The following GYG2 variants were observed in gnomAD, a reference collection of about 807,000 sequenced individuals.
GYG2 encodes the protein glycogenin 2, also known as glycogenin-2.
A neutral mutation model predicts 29.4 loss-of-function variants in GYG2; 29 were observed. That is an observed-to-expected ratio of 0.99 (90% confidence interval 0.74 to 1.35). The LOEUF (loss-of-function observed/expected upper bound fraction) is 1.35. Ranked by LOEUF, GYG2 falls within the 40% of genes most tolerant of loss-of-function variation. The pLI is 0.00. For synonymous variants in GYG2, 167 were observed against 172.3 expected (o/e 0.97, Z 0.24); for missense variants, 370 against 385.7 (o/e 0.96, Z 0.34).
chrX:2,851,700 C>T (rs1230586926), intron 3 of GYG2, among the ~76,000 whole-genome samples: 1 of 111,910 alleles, frequency 8.9e-6, no homozygotes, highest in African/African-American at 3.2e-5. Flanking sequence ...ATTTCATCAC[C>T]TGGATTAAGT....
intron 5 of GYG2, 45 bp from the exon 6 acceptor site, chrX:2,856,453 A>C (rs1380514537): frequency 2.2e-5 from 26 of 1,189,529 alleles, no homozygotes; most frequent in Non-Finnish European, 2.8e-5. Context: ...GGAGTGAACC[A>C]AGCCATACTT....
At chrX:2,844,093 C>G (rs1198143427) in intron 3 of GYG2, among the ~76,000 whole-genome samples, 3 of 112,364 alleles carry the variant, frequency 2.7e-5, no homozygotes, top group Non-Finnish European at 5.6e-5. Flanking sequence ...TTTCTTTCAT[C>G]AACCATGGAC....
intron 4 of GYG2, 147 bp from the exon 5 acceptor site, chrX:2,854,846 C>T (rs1654019292): frequency 1.9e-6 from 1 of 521,105 alleles, no homozygotes; most frequent in Non-Finnish European, 3.1e-6. Flanking sequence ...GTGGGGGGAT[C>T]GCTTGAACCC....
At chrX:2,837,697 C>G (rs2087404137) in intron 2 of GYG2, among the ~76,000 whole-genome samples, 1 of 111,413 alleles carries the variant, frequency 9.0e-6, no homozygotes. Flanking sequence ...ACAAAGAAAT[C>G]TTAATACTGC....
chrX:2,868,792 C>G (rs1246991019), intron 8 of GYG2, among the ~76,000 whole-genome samples: 6 of 111,014 alleles, frequency 5.4e-5, no homozygotes, highest in Non-Finnish European at 9.4e-5. Flanking sequence ...ACCCGTGTAA[C>G]AAACCTGCAC....
chrX:2,845,091 GTATA>G (rs1246621982), intron 3 of GYG2, among the ~76,000 whole-genome samples: 1 of 85,654 alleles, frequency 1.2e-5, no homozygotes, highest in Non-Finnish European at 2.2e-5. Flanking sequence ...ACGTGTGTAT[GTATA>G]TTTATATACA....
chrX:2,830,265 C>G, intron 2 of GYG2, 70 bp downstream of exon 2: 2 of 952,505 alleles, frequency 2.1e-6, no homozygotes, highest in Non-Finnish European at 3.0e-6. Flanking sequence ...TTGGTCTGCA[C>G]TGGGGAGAAC....
In GYG2 at chrX:2,838,180, G is replaced by GGT. The variant is rs367796847; in HGVS notation, c.8-5032_8-5031dup. Among the ~76,000 whole-genome samples, 250 of 111,593 alleles carry GGT rather than the reference G, an allele frequency of 2.2e-3. 1 individual carries two copies. Among genetic ancestry groups the GGT allele is most frequent in the African/African-American group, 7.8e-3 (240 of 30,707 alleles). ...TATAGAAATTTAGCTATTTGGTCTG[G>GGT]GTATACAATTTTAGGTTGAGGACCA... On this transcript the variant is annotated intron_variant, in intron 2 of 10. Coordinates refer to ENST00000398806, the MANE Select transcript of GYG2 (RefSeq NM_001079855.2).
At chrX:2,856,450 A>C (rs1569064186) in intron 5 of GYG2, 48 bp from the exon 6 acceptor site, 2 of 1,183,520 alleles carry the variant, frequency 1.7e-6, no homozygotes, top group Non-Finnish European at 2.3e-6. Context: ...CTTGGAGTGA[A>C]CCAAGCCATA....
intron 3 of GYG2, among the ~76,000 whole-genome samples, chrX:2,850,118 AAATAAT>A (rs927910393): frequency 4.8e-5 from 5 of 103,498 alleles, no homozygotes; most frequent in African/African-American, 1.5e-4. Context: ...CCCTGTCTCA[AAATAAT>A]AATAATAATG....
chrX:2,868,610 A>G (rs755958784), intron 8 of GYG2, among the ~76,000 whole-genome samples: 3 of 110,492 alleles, frequency 2.7e-5, no homozygotes, highest in Non-Finnish European at 5.7e-5. Context: ...TATGGTCTAT[A>G]TATTCTCTGA....
chrX:2,857,265 A>C (rs1336913921), intron 6 of GYG2, among the ~76,000 whole-genome samples: 1 of 86,351 alleles, frequency 1.2e-5, no homozygotes, highest in Non-Finnish European at 2.2e-5. Flanking sequence ...ATTCAGATAG[A>C]TCTGGATATC....
At position 2,859,791 on chromosome X, in the gene GYG2, G is replaced by A. The variant is rs1181750852; in HGVS notation, c.615-52G>A. 13 of 839,690 alleles carry A rather than the reference G, an allele frequency of 1.5e-5. 1 individual carries two copies. The South Asian group carries it at 2.8e-4, about 18-fold the overall frequency. The allele number at this position is 839,690 out of a possible 1,213,427, so 69.2% of individuals were successfully genotyped here. On this transcript the variant is annotated intron_variant, in intron 6 of 10. Coordinates refer to ENST00000398806, the MANE Select transcript of GYG2 (RefSeq NM_001079855.2). ...CATGGTAGGTGGATGCTTTCTGGGT[G>A]TCTTTTATCACATCTGAGTGGAAAT... is the stretch of plus-strand genomic sequence containing the variant.
chrX:2,850,454 T>C (rs1252230108), intron 3 of GYG2, among the ~76,000 whole-genome samples: 1 of 111,540 alleles, frequency 9.0e-6, no homozygotes, highest in African/African-American at 3.3e-5. Flanking sequence ...TTCAGAGCCT[T>C]AATGGGAAAT....
intron 8 of GYG2, among the ~76,000 whole-genome samples, chrX:2,870,022 G>A (rs571799789): frequency 9.0e-6 from 1 of 110,740 alleles, no homozygotes; most frequent in African/African-American, 3.3e-5. Flanking sequence ...GTTGCAATTA[G>A]TATCTTCTCC....
Position 2,845,567 on chromosome X carries a change from G to GTA in GYG2, c.149+2216_149+2217dup, listed in dbSNP as rs772027536. On this transcript the variant is annotated intron_variant, in intron 3 of 10. Coordinates refer to ENST00000398806, the MANE Select transcript of GYG2 (RefSeq NM_001079855.2). The stretch of plus-strand genomic sequence containing the variant: ...TGTATGTATATTTATATACACGTGT[G>GTA]TATACACATGTGTATATATACACAT... Among the ~76,000 whole-genome samples, 16 of 5,114 alleles carry GTA rather than the reference G, an allele frequency of 3.1e-3. 5 individuals carry two copies. The East Asian group carries it at 0.33, about 104-fold the overall frequency. 4.4% of individuals were successfully genotyped at this position (5,114 alleles called of 115,157 possible). A position where few individuals can be genotyped will look rare whatever the true frequency, so the allele number is the denominator to read the frequency against.
At chrX:2,834,070 C>T (rs2087322677) in intron 2 of GYG2, among the ~76,000 whole-genome samples, 1 of 112,500 alleles carries the variant, frequency 8.9e-6, no homozygotes, top group Admixed American at 9.4e-5. Context: ...TCCTTGTTCT[C>T]CAGCTGCTGT....
chrX:2,846,014 TACACAC>T (rs1197552720), intron 3 of GYG2, among the ~76,000 whole-genome samples: 1 of 84,154 alleles, frequency 1.2e-5, no homozygotes, highest in Non-Finnish European at 2.3e-5. Flanking sequence ...TACATATATA[TACACAC>T]ACACATATAT....
chrX:2,838,341 C>A (rs182242460), intron 2 of GYG2, among the ~76,000 whole-genome samples: 1 of 110,562 alleles, frequency 9.0e-6, no homozygotes, highest in East Asian at 2.8e-4. Flanking sequence ...ACAATGTTCT[C>A]CTTAGCCTTG....
Sources: gnomAD v4.1 joint callset for allele counts (sites outside exome capture counted in the v4.1 genomes callset) on GRCh38, gnomAD v4.1.1 for gene constraint, MANE v1.5 for transcripts, NCBI Gene and HGNC (gene_info 2026-07-23, HGNC 2026-07-21) for gene names.